Variants in PCDHA10 observed in about 807,000 individuals in gnomAD.
PCDHA10 encodes the protein protocadherin alpha-10.
Under a neutral mutation model 61.2 loss-of-function variants are expected in PCDHA10, and 45 were observed. That is an observed-to-expected ratio of 0.74 (90% CI 0.58 to 0.94). The LOEUF (loss-of-function observed/expected upper bound fraction) is 0.94, where lower values mean the gene tolerates loss of function less well. PCDHA10 is among the 40% of genes least tolerant of loss of function. The pLI, the probability that PCDHA10 is intolerant of heterozygous loss-of-function variation, is 0.00. For missense variants in PCDHA10, 1,278 were observed against 1,236.2 expected (o/e 1.03, Z -0.51); for synonymous variants, 602 against 548.8 (o/e 1.10, Z -1.35).
At chr5:140,926,268 T>A (rs1166651492) in intron 1 of PCDHA10, 1 of 152,208 alleles carries the variant, frequency 6.6e-6, no homozygotes, top group Non-Finnish European at 1.5e-5. Context: ...TCTCGCCGCC[T>A]CCGCTCGGCA....
intron 1 of PCDHA10, chr5:140,863,608 T>A (rs548888922): frequency 5.7e-6 from 2 of 349,702 alleles, no homozygotes; most frequent in Non-Finnish European, 1.1e-5. Flanking sequence ...CCTATTAATG[T>A]CCCTCATAGT....
rs35184029 is a variant in PCDHA10 at position 140,997,668 on chromosome 5, T to TTGTG, written c.2537-11933_2537-11930dup. 2.7e-3 allele frequency among the ~76,000 whole-genome samples: 396 copies of TTGTG among 148,340 alleles called. 1 individual carries two copies. Among genetic ancestry groups the TTGTG allele is most frequent in the African/African-American group, 5.1e-3 (207 of 40,232 alleles). On this transcript the variant is annotated intron_variant, in intron 3 of 3. Transcript: ENST00000307360. ...AATGCAATATGTATTATTATACAGC[T>TTGTG]TGTGTGTGTGTGTGTGTGTGTGTGT...
chr5:140,876,075 C>G, intron 1 of PCDHA10: 1 of 1,613,908 alleles, frequency 6.2e-7, no homozygotes, highest in Non-Finnish European at 8.5e-7. Context: ...AGTTATTGGA[C>G]AGAGAGCAAA....
chr5:140,893,636 G>A (rs2064097174), intron 1 of PCDHA10, among the ~76,000 whole-genome samples: 1 of 152,170 alleles, frequency 6.6e-6, no homozygotes, highest in Non-Finnish European at 1.5e-5. Flanking sequence ...GCTTGGTATA[G>A]TATTTTTGGC....
intron 2 of PCDHA10, 157 bp from the exon 3 acceptor site, chr5:140,982,318 G>C (rs2096977750): frequency 6.6e-6 from 9 of 1,356,910 alleles, no homozygotes; most frequent in Non-Finnish European, 8.8e-6. Flanking sequence ...AGTTTATGCA[G>C]GGTGACTGCT....
chr5:140,947,882 T>C (rs1554218353), intron 1 of PCDHA10, among the ~76,000 whole-genome samples: 1 of 151,580 alleles, frequency 6.6e-6, no homozygotes, highest in Non-Finnish European at 1.5e-5. Context: ...TCCAGGACAA[T>C]ATAAACAGAA....
intron 1 of PCDHA10, chr5:140,871,648 T>G: frequency 7.8e-7 from 1 of 1,275,766 alleles, no homozygotes. Context: ...AAATACCAAA[T>G]GATACACATC....
intron 1 of PCDHA10, chr5:140,882,955 C>T: frequency 6.2e-7 from 1 of 1,614,178 alleles, no homozygotes; most frequent in East Asian, 2.2e-5. Context: ...TTCAGCTGCT[C>T]ATCACGATTC....
chr5:140,978,457 C>G (rs1223652568), intron 1 of PCDHA10, among the ~76,000 whole-genome samples: 1 of 152,182 alleles, frequency 6.6e-6, no homozygotes, highest in Non-Finnish European at 1.5e-5. Context: ...GCACATCCGC[C>G]CTGGGTCAAA....
intron 1 of PCDHA10, among the ~76,000 whole-genome samples, chr5:140,962,185 C>T (rs782495435): frequency 6.6e-5 from 10 of 152,126 alleles, no homozygotes; most frequent in Non-Finnish European, 1.3e-4. Flanking sequence ...ACTTATATCA[C>T]TTTTATGCTT....
In PCDHA10 at chr5:140,947,454, C is replaced by G. The variant is rs138457341; in HGVS notation, c.2389-31495C>G. 3.0e-4 allele frequency among the ~76,000 whole-genome samples: 45 copies of G among 151,700 alleles called. No individual in the cohort carries two copies. In the East Asian group the frequency reaches 8.3e-3, roughly 28 times the overall value. On this transcript the variant is annotated intron_variant, in intron 1 of 3. Coordinates refer to ENST00000307360, the MANE Select transcript of PCDHA10 (RefSeq NM_018901.4). ...AAAATCAGCTGTGAAATCCTCCAACCTTGTTCTACTTGTAAACATTGTTTT... is the reference window on the plus strand; with the variant it reads ...AAAATCAGCTGTGAAATCCTCCAACGTTGTTCTACTTGTAAACATTGTTTT...
chr5:140,859,991 A>G (rs1486965129), intron 1 of PCDHA10: 1 of 152,000 alleles, frequency 6.6e-6, no homozygotes, highest in Admixed American at 6.6e-5. Context: ...TAATCTCTCC[A>G]TCAATACTAA....
chr5:140,928,155 C>T, intron 1 of PCDHA10: 2 of 1,614,178 alleles, frequency 1.2e-6, no homozygotes, highest in Non-Finnish European at 1.7e-6. Flanking sequence ...CAGATAGTGG[C>T]TCACCCCCAC....
intron 1 of PCDHA10, among the ~76,000 whole-genome samples, chr5:140,963,188 G>A (rs1333064851): frequency 6.6e-6 from 1 of 151,712 alleles, no homozygotes; most frequent in African/African-American, 2.4e-5. Context: ...GCTGTAGACT[G>A]TGAAAATGAA....
chr5:140,962,068 G>C (rs2095654419), intron 1 of PCDHA10, among the ~76,000 whole-genome samples: 1 of 151,882 alleles, frequency 6.6e-6, no homozygotes, highest in African/African-American at 2.4e-5. Context: ...GTATTTTTTA[G>C]TAGAGACGGG....
chr5:140,922,735 G>C (rs1370700616), intron 1 of PCDHA10, among the ~76,000 whole-genome samples: 1 of 152,078 alleles, frequency 6.6e-6, no homozygotes, highest in Non-Finnish European at 1.5e-5. Context: ...ACAAGGTTGA[G>C]AAAAATAAAT....
At chr5:140,900,369 CTGGGT>C (rs1554189090) in intron 1 of PCDHA10, among the ~76,000 whole-genome samples, 2 of 152,158 alleles carry the variant, frequency 1.3e-5, no homozygotes, top group Non-Finnish European at 2.9e-5. Flanking sequence ...CCTCTGCCTC[CTGGGT>C]TCAAGCGATT....
At chr5:140,886,664 A>G (rs1404216677) in intron 1 of PCDHA10, among the ~76,000 whole-genome samples, 1 of 151,922 alleles carries the variant, frequency 6.6e-6, no homozygotes, top group East Asian at 1.9e-4. Flanking sequence ...TGTCTCTACT[A>G]AAAATACAAA....
intron 3 of PCDHA10, among the ~76,000 whole-genome samples, chr5:140,999,845 T>C (rs1293721817): frequency 6.6e-6 from 1 of 152,188 alleles, no homozygotes; most frequent in African/African-American, 2.4e-5. Context: ...CAAGTGTATT[T>C]ATCTCTTCCG....
Sources: gnomAD v4.1 joint callset for allele counts (sites outside exome capture counted in the v4.1 genomes callset) on GRCh38, gnomAD v4.1.1 for gene constraint, MANE v1.5 for transcripts, NCBI Gene and HGNC (gene_info 2026-07-23, HGNC 2026-07-21) for gene names.